The following EIF2AK4 variants were observed in gnomAD, a reference collection of about 807,000 sequenced individuals.
EIF2AK4 encodes the protein eukaryotic translation initiation factor 2 alpha kinase 4.
Under a neutral mutation model 211.1 loss-of-function variants are expected in EIF2AK4, and 139 were observed. The ratio of observed to expected loss-of-function variants is 0.66; its 90% CI spans 0.57 to 0.76. The LOEUF is 0.76. Ranked by LOEUF, EIF2AK4 falls within the 30% of genes least tolerant of loss-of-function variation. The probability of loss-of-function intolerance (pLI) is 0.00; values close to 1 mark genes in which losing one functional copy is unlikely to be tolerated. For synonymous variants in EIF2AK4, 710 were observed against 751.3 expected, an observed-to-expected ratio of 0.94 and a Z score of 0.90; for missense variants, 1,664 against 2,043.8, an observed-to-expected ratio of 0.81 and a Z score of 3.58.
At chr15:39,944,525 G>A (rs1474635830) in intron 3 of EIF2AK4, among the ~76,000 whole-genome samples, 14 of 144,276 alleles carry the variant, frequency 9.7e-5, no homozygotes, top group Non-Finnish European at 1.5e-4. Flanking sequence ...TCCGCCTCCC[G>A]GGTTCGCGCC....
Position 40,004,708 on chromosome 15 carries a change from CAAAAAG to C in EIF2AK4, c.3357+1399_3357+1404del, listed in dbSNP as rs1372510979. Among the ~76,000 whole-genome samples, 4 of 152,158 alleles carry C rather than the reference CAAAAAG, an allele frequency of 2.6e-5. No homozygotes were observed. In the East Asian group the frequency reaches 7.7e-4, roughly 29 times the overall value. ...TAGGAAACAGGGCAAGACTCTGTCTCAAAAAGAAAATTTAAAAATTTTTTTTTGTAG... is the reference window on the plus strand; with the variant it reads ...TAGGAAACAGGGCAAGACTCTGTCTCAAAATTTAAAAATTTTTTTTTGTAG... On this transcript the variant is annotated intron_variant, in intron 23 of 38. Coordinates refer to ENST00000263791, the MANE Select transcript of EIF2AK4 (RefSeq NM_001013703.4).
intron 32 of EIF2AK4, among the ~76,000 whole-genome samples, chr15:40,025,328 A>C (rs2035452535): frequency 6.6e-6 from 1 of 152,268 alleles, no homozygotes; most frequent in African/African-American, 2.4e-5. Context: ...TGTTTTGAAC[A>C]GAAGGAGACA....
chr15:39,973,868 G>A (rs2034658136), intron 11 of EIF2AK4, 119 bp downstream of exon 11: 3 of 1,132,138 alleles, frequency 2.6e-6, no homozygotes, highest in Middle Eastern at 4.8e-4. Flanking sequence ...ATGGCTGTTG[G>A]ATACTATGCT....
chr15:39,962,530 C>G (rs988125542), intron 7 of EIF2AK4, among the ~76,000 whole-genome samples: 2 of 152,154 alleles, frequency 1.3e-5, no homozygotes, highest in African/African-American at 2.4e-5. Context: ...ACAATCATAG[C>G]TCACTGTAAC....
At chr15:39,980,538 C>G (rs563884398) in intron 13 of EIF2AK4, among the ~76,000 whole-genome samples, 1 of 152,196 alleles carries the variant, frequency 6.6e-6, no homozygotes, top group Non-Finnish European at 1.5e-5. Context: ...GTTGCTAACA[C>G]AATAATAGGA....
At chr15:39,965,935 C>A in intron 8 of EIF2AK4, 92 bp downstream of exon 8, 2 of 1,506,592 alleles carry the variant, frequency 1.3e-6, no homozygotes, top group Non-Finnish European at 1.8e-6. Context: ...GTTTGCCCTG[C>A]AGAGATGGTC....
chr15:39,995,855 T>C (rs939941956), intron 18 of EIF2AK4, among the ~76,000 whole-genome samples: 5 of 152,230 alleles, frequency 3.3e-5, no homozygotes, highest in Non-Finnish European at 7.4e-5. Context: ...TTTCCATTTT[T>C]TGTGTATGGT....
In EIF2AK4 at chr15:39,939,523, A is replaced by G; in HGVS notation, c.163A>G (p.Ile55Val). ...ACGPVKEPPE[I>V]NLVLYPQGLT... ...CTTTTAGGTCAAAGAGCCCCCTGAA[A>G]TCAATTTAGTTTTGTACCCTCAAGG... Residue 55 changes from isoleucine to valine, a missense_variant, in exon 2 of 39, where the codon ATC becomes GTC. Ile to Val is a conservative substitution (Grantham distance 29). Coordinates refer to ENST00000263791, the MANE Select transcript of EIF2AK4 (RefSeq NM_001013703.4). The G allele has an allele frequency of 1.2e-6, 2 of 1,603,334 alleles. No individual in the cohort carries two copies. Among genetic ancestry groups the G allele is most frequent in the South Asian group, 2.3e-5 (2 of 88,406 alleles).
intron 13 of EIF2AK4, among the ~76,000 whole-genome samples, chr15:39,984,209 A>G (rs560256405): frequency 3.9e-5 from 6 of 152,260 alleles, no homozygotes; most frequent in South Asian, 2.1e-4. Context: ...CCATTGGTCT[A>G]TATTTCTGTT....
chr15:39,987,501 C>T (rs1234462533), intron 14 of EIF2AK4, among the ~76,000 whole-genome samples: 1 of 152,212 alleles, frequency 6.6e-6, no homozygotes, highest in Non-Finnish European at 1.5e-5. Context: ...AGGGGTGAGA[C>T]AGAGCCCCTG....
At chr15:40,029,841 A>T (rs1253466219) in intron 34 of EIF2AK4, among the ~76,000 whole-genome samples, 2 of 152,238 alleles carry the variant, frequency 1.3e-5, no homozygotes, top group Admixed American at 6.5e-5. Flanking sequence ...CGTGAAAGCC[A>T]AGAGGGCACA....
intron 7 of EIF2AK4, among the ~76,000 whole-genome samples, chr15:39,964,703 T>C (rs531762570): frequency 2.0e-5 from 3 of 152,340 alleles, no homozygotes; most frequent in African/African-American, 7.2e-5. Flanking sequence ...TTTTCTATTA[T>C]GGTTTTAATG....
At chr15:39,936,143 T>C (rs942492675) in intron 1 of EIF2AK4, among the ~76,000 whole-genome samples, 3 of 152,202 alleles carry the variant, frequency 2.0e-5, no homozygotes, top group African/African-American at 7.2e-5. Flanking sequence ...TAGGTAGGGA[T>C]ATTGATAACC....
chr15:40,022,219 T>TGTG (rs374986232), intron 31 of EIF2AK4: 138 of 226,054 alleles, frequency 6.1e-4, no homozygotes, highest in Middle Eastern at 1.6e-3. Flanking sequence ...TGTGTGTATG[T>TGTG]TGTGTTGTAT....
intron 13 of EIF2AK4, among the ~76,000 whole-genome samples, chr15:39,978,545 C>T (rs2034733266): frequency 6.6e-6 from 1 of 152,168 alleles, no homozygotes; most frequent in Non-Finnish European, 1.5e-5. Context: ...AATCTTGATT[C>T]CTTATTTTCA....
intron 2 of EIF2AK4, among the ~76,000 whole-genome samples, chr15:39,942,276 C>T (rs2034155700): frequency 6.6e-6 from 1 of 152,146 alleles, no homozygotes; most frequent in Non-Finnish European, 1.5e-5. Flanking sequence ...TCAGCCCCAT[C>T]CCAGACCTTT....
At chr15:40,020,179 GAAAAA>G (rs2035364166) in intron 30 of EIF2AK4, among the ~76,000 whole-genome samples, 1 of 138,108 alleles carries the variant, frequency 7.2e-6, no homozygotes. Flanking sequence ...AAAAAAAAAA[GAAAAA>G]AGAAAAGAAA....
intron 3 of EIF2AK4, chr15:39,946,934 T>TA (rs1555414186): frequency 1.2e-5 from 5 of 409,764 alleles, no homozygotes; most frequent in Admixed American, 4.0e-5. Flanking sequence ...TATTTCACAC[T>TA]TAATAGACTA....
intron 26 of EIF2AK4, among the ~76,000 whole-genome samples, chr15:40,010,383 G>A (rs534479771): frequency 2.6e-5 from 4 of 152,296 alleles, no homozygotes; most frequent in South Asian, 4.1e-4. Flanking sequence ...CCTCCTTCCT[G>A]TGGGACTGAG....
Sources: gnomAD v4.1 joint callset for allele counts (sites outside exome capture counted in the v4.1 genomes callset) on GRCh38, gnomAD v4.1.1 for gene constraint, MANE v1.5 for transcripts, NCBI Gene and HGNC (gene_info 2026-07-23, HGNC 2026-07-21) for gene names.